Variants in GPR158 observed in about 807,000 individuals in gnomAD.
The protein encoded by GPR158 is metabotropic glycine receptor.
GPR158 carries 30 observed loss-of-function variants against 78.2 expected under a neutral mutation model. The ratio of observed to expected loss-of-function variants is 0.38; its 90% CI spans 0.29 to 0.52. The LOEUF (loss-of-function observed/expected upper bound fraction) is 0.52, where lower values mean the gene tolerates loss of function less well. GPR158 is among the 20% of genes least tolerant of loss of function. The pLI, the probability that GPR158 is intolerant of heterozygous loss-of-function variation, is 0.83. For missense variants in GPR158, 1,463 were observed against 1,523.5 expected, an observed-to-expected ratio of 0.96 and a Z score of 0.66; for synonymous variants, 581 against 591.1, an observed-to-expected ratio of 0.98 and a Z score of 0.25.
chr10:25,433,620 G>C (rs1834951510), intron 4 of GPR158, among the ~76,000 whole-genome samples: 1 of 150,928 alleles, frequency 6.6e-6, no homozygotes, highest in African/African-American at 2.4e-5. Flanking sequence ...TGGTGGTAAG[G>C]GTAAATAAGG....
At chr10:25,301,392 G>A (rs1392656087) in intron 2 of GPR158, among the ~76,000 whole-genome samples, 1 of 152,054 alleles carries the variant, frequency 6.6e-6, no homozygotes, top group Admixed American at 6.5e-5. Flanking sequence ...GTCATTGCCC[G>A]GTCCCTACCC....
At chr10:25,366,381 G>A (rs1258524642) in intron 2 of GPR158, among the ~76,000 whole-genome samples, 1 of 151,232 alleles carries the variant, frequency 6.6e-6, no homozygotes, top group East Asian at 1.9e-4. Context: ...CTAAAACTTT[G>A]TCAGTTTGAG....
chr10:25,214,156 C>T (rs749997466), intron 1 of GPR158, among the ~76,000 whole-genome samples: 4 of 151,798 alleles, frequency 2.6e-5, no homozygotes, highest in African/African-American at 7.3e-5. Context: ...CACCACGCCC[C>T]GCTAATTTTT....
chr10:25,259,170 CAT>C (rs1033190735), intron 2 of GPR158, among the ~76,000 whole-genome samples: 6 of 152,268 alleles, frequency 3.9e-5, no homozygotes, highest in South Asian at 2.1e-4. Context: ...GCAGTTCAAA[CAT>C]GTGTTGTTCA....
chr10:25,526,103 T>TA (rs4017850), intron 5 of GPR158, among the ~76,000 whole-genome samples: 1,003 of 69,154 alleles, frequency 0.015, 40 homozygotes, highest in East Asian at 0.038. Context: ...CAATTTTGTC[T>TA]AAAAAAAAAA....
intron 2 of GPR158, among the ~76,000 whole-genome samples, chr10:25,357,474 T>C (rs35709145): frequency 0.1 from 15,191 of 152,056 alleles, 1,881 homozygotes; most frequent in African/African-American, 0.3. Flanking sequence ...AGGCCCAAGG[T>C]CCCCAATGCT....
At chr10:25,340,802 A>G (rs954735363) in intron 2 of GPR158, among the ~76,000 whole-genome samples, 2 of 152,062 alleles carry the variant, frequency 1.3e-5, no homozygotes, top group African/African-American at 4.8e-5. Context: ...AACAAAACCA[A>G]TATTTGAAGA....
At chr10:25,338,393 A>C (rs1192995129) in intron 2 of GPR158, among the ~76,000 whole-genome samples, 8 of 134,974 alleles carry the variant, frequency 5.9e-5, no homozygotes, top group African/African-American at 2.3e-4. Context: ...CTCTCTCTAT[A>C]TATATTATTA....
intron 4 of GPR158, among the ~76,000 whole-genome samples, chr10:25,435,249 G>A (rs560382920): frequency 6.6e-6 from 1 of 152,092 alleles, no homozygotes; most frequent in African/African-American, 2.4e-5. Context: ...AGACAAGTGA[G>A]TATATAAATT....
chr10:25,224,326 GT>G (rs962258709), intron 2 of GPR158, among the ~76,000 whole-genome samples: 4 of 151,692 alleles, frequency 2.6e-5, no homozygotes, highest in African/African-American at 9.7e-5. Flanking sequence ...AAACTTTTTG[GT>G]TATATTCCAT....
At chr10:25,540,798 G>T (rs976576258) in intron 5 of GPR158, among the ~76,000 whole-genome samples, 56 of 151,866 alleles carry the variant, frequency 3.7e-4, no homozygotes, top group Non-Finnish European at 6.5e-4. Context: ...GTCGTGGGGT[G>T]GGGGGAGTGG....
chr10:25,268,952 C>T (rs1005409394), intron 2 of GPR158, among the ~76,000 whole-genome samples: 6 of 152,120 alleles, frequency 3.9e-5, no homozygotes, highest in African/African-American at 1.2e-4. Context: ...AGTAAAACAC[C>T]TCTTTTGTCA....
At chr10:25,402,585 A>G (rs1276092164) in intron 3 of GPR158, among the ~76,000 whole-genome samples, 1 of 152,072 alleles carries the variant, frequency 6.6e-6, no homozygotes, top group Admixed American at 6.6e-5. Flanking sequence ...CACATGGTTC[A>G]GGAAGAATAG....
intron 5 of GPR158, among the ~76,000 whole-genome samples, chr10:25,522,946 TAAAA>T (rs368591678): frequency 0.025 from 3,804 of 152,228 alleles, 72 homozygotes; most frequent in African/African-American, 0.051. Context: ...TTTTTAAACT[TAAAA>T]AAAGTAAAAT....
intron 3 of GPR158, among the ~76,000 whole-genome samples, chr10:25,406,637 G>A (rs1057259299): frequency 6.6e-6 from 1 of 152,138 alleles, no homozygotes; most frequent in Non-Finnish European, 1.5e-5. Flanking sequence ...TAATAGGATT[G>A]CAGTATTTTC....
intron 4 of GPR158, among the ~76,000 whole-genome samples, chr10:25,450,614 G>A (rs1163144048): frequency 2.6e-5 from 4 of 151,874 alleles, no homozygotes; most frequent in Non-Finnish European, 5.9e-5. Flanking sequence ...CTTGATTCTG[G>A]TAGTTAAATC....
chr10:25,594,061 T>C (rs1448197787), intron 8 of GPR158, among the ~76,000 whole-genome samples: 1 of 152,142 alleles, frequency 6.6e-6, no homozygotes, highest in Non-Finnish European at 1.5e-5. Context: ...ATTATTATGC[T>C]GCCTTTCTTA....
At chr10:25,228,158 C>G (rs926437840) in intron 2 of GPR158, among the ~76,000 whole-genome samples, 20 of 152,232 alleles carry the variant, frequency 1.3e-4, no homozygotes, top group African/African-American at 4.3e-4. Context: ...GCCTGTAGTT[C>G]CAGCTACTCA....
intron 2 of GPR158, among the ~76,000 whole-genome samples, chr10:25,325,809 G>T (rs564742147): frequency 6.6e-6 from 1 of 151,896 alleles, no homozygotes; most frequent in South Asian, 2.1e-4. Context: ...ATTCTAACAA[G>T]TGTGAGGTGA....
Sources: gnomAD v4.1 joint callset for allele counts (sites outside exome capture counted in the v4.1 genomes callset) on GRCh38, gnomAD v4.1.1 for gene constraint, MANE v1.5 for transcripts, NCBI Gene and HGNC (gene_info 2026-07-23, HGNC 2026-07-21) for gene names.